Variants in BCR observed in about 807,000 individuals in gnomAD.
The protein encoded by BCR is BCR activator of RhoGEF and GTPase.
BCR carries 58 observed loss-of-function variants against 138.6 expected under a neutral mutation model. The ratio of observed to expected loss-of-function variants is 0.42; its 90% CI spans 0.34 to 0.52. The LOEUF is 0.52. BCR is among the 20% of genes least tolerant of loss of function. BCR has a pLI of 0.06. For synonymous variants in BCR, 786 were observed against 730.1 expected, an observed-to-expected ratio of 1.08 and a Z score of -1.23; for missense variants, 1,599 against 1,727.2, an observed-to-expected ratio of 0.93 and a Z score of 1.32.
Position 23,317,966 on chromosome 22 carries a change from A to G in BCR, c.*2444A>G, listed in dbSNP as rs2074090714. On this transcript the variant is annotated 3_prime_UTR_variant, in exon 23 of 23. Transcript: ENST00000305877. ...CTTGGTAAGTGGCTGGTGTCTTAGC[A>G]GCTGCAATCTGAGCTCAGCCACCTA... The G allele has an allele frequency of 6.6e-6, 1 of 152,354 alleles. No individual in the cohort carries two copies. The highest frequency in any genetic ancestry group is 1.4e-5 in the Non-Finnish European group (1 of 70,122). 9.4% of individuals were successfully genotyped at this position (152,354 alleles called of 1,614,324 possible).
Position 23,261,011 on chromosome 22 carries a change from C to A in BCR, c.1523C>A (p.Ala508Asp), listed in dbSNP as rs1371364053. 1 of 1,613,918 alleles carries A rather than the reference C, an allele frequency of 6.2e-7. No homozygotes were observed. The highest frequency in any genetic ancestry group is 8.5e-7 in the Non-Finnish European group (1 of 1,180,012). The change falls in exon 3 of 23, where the codon GCT (alanine) becomes GAT (aspartate). Residue 508 changes from alanine to aspartate, a missense_variant. Ala to Asp is a moderately radical substitution (Grantham distance 126). Transcript: ENST00000305877. ...MRKWVLSGIL[A>D]SEETYLSHLE... is the part of the protein sequence containing the mutation. ...AAATGGGTCCTGTCGGGAATCCTGG[C>A]TAGCGAGGAGACTTACCTGAGCCAC...
intron 1 of BCR, among the ~76,000 whole-genome samples, chr22:23,217,865 C>G (rs1204206286): frequency 6.6e-6 from 1 of 152,216 alleles, no homozygotes; most frequent in African/African-American, 2.4e-5. Context: ...AGGCGGTGAT[C>G]TGCAGCTGTG....
chr22:23,188,721 T>G (rs2072377778), intron 1 of BCR, among the ~76,000 whole-genome samples: 1 of 152,090 alleles, frequency 6.6e-6, no homozygotes, highest in Admixed American at 6.5e-5. Context: ...CCCCAGGGAA[T>G]ATCTTGACCC....
At chr22:23,253,286 C>T (rs575039140) in intron 1 of BCR, among the ~76,000 whole-genome samples, 111 of 152,232 alleles carry the variant, frequency 7.3e-4, no homozygotes, top group Non-Finnish European at 3.5e-4. Context: ...TGATTGATTA[C>T]GTCACTGGCC....
chr22:23,271,146 A>G (rs1325448644), intron 5 of BCR, among the ~76,000 whole-genome samples: 2 of 152,218 alleles, frequency 1.3e-5, no homozygotes, highest in African/African-American at 4.8e-5. Context: ...TTTTGTTCAC[A>G]AGGGACACTT....
rs1014036127 is a variant in BCR, at chr22:23,260,967, A to G, written c.1479A>G (p.Glu493=). The G allele has an allele frequency of 3.1e-6, 5 of 1,613,868 alleles. No individual in the cohort carries two copies. In the African/African-American group the frequency reaches 5.3e-5, roughly 17 times the overall value. ...ESTKASELDL[E]KGLEMRKWVL... is the part of the protein sequence containing the mutation. ...TCCTGCAGAGTGAGCTGGACTTGGA[A>G]AAGGGCTTGGAGATGAGAAAATGGG... Residue 493 remains glutamate, a synonymous_variant, in exon 3 of 23, where the codon GAA becomes GAG. Coordinates refer to ENST00000305877, the MANE Select transcript of BCR (RefSeq NM_004327.4).
intron 4 of BCR, chr22:23,263,748 A>AG (rs1425911519): frequency 7.0e-7 from 1 of 1,431,572 alleles, no homozygotes; most frequent in Admixed American, 1.7e-5. Flanking sequence ...TGGATTGCAA[A>AG]GGGGGCATCA....
In BCR at chr22:23,201,834, C is replaced by A. The variant is rs111857864; in HGVS notation, c.1279+19595C>A. Reference sequence around the variant, plus strand: ...TCAGACCCTTCGGTTTCTGGGAGTCCGTGGACATTGGCTGCAGGTTTTGAA... The same window carrying A: ...TCAGACCCTTCGGTTTCTGGGAGTCAGTGGACATTGGCTGCAGGTTTTGAA... On this transcript the variant is annotated intron_variant, in intron 1 of 22. Coordinates refer to ENST00000305877, the MANE Select transcript of BCR (RefSeq NM_004327.4). 7.9e-3 allele frequency among the ~76,000 whole-genome samples: 1,208 copies of A among 152,128 alleles called. 19 individuals are homozygous for A. Among genetic ancestry groups the A allele is most frequent in the African/African-American group, 0.027 (1,130 of 41,504 alleles).
chr22:23,263,123 G>A (rs942874841), intron 4 of BCR: 43 of 710,930 alleles, frequency 6.0e-5, no homozygotes, highest in South Asian at 5.6e-4. Context: ...ACATCCCGGG[G>A]ACAGGGGCGG....
chr22:23,290,579 G>A, intron 14 of BCR, 166 bp downstream of exon 14: 1 of 710,748 alleles, frequency 1.4e-6, no homozygotes, highest in Non-Finnish European at 2.5e-6. Context: ...ATGCCTTCTG[G>A]GTGTGGAATT....
At chr22:23,313,894 T>C (rs2074035479) in intron 20 of BCR, 74 bp from the exon 21 acceptor site, 1 of 1,173,564 alleles carries the variant, frequency 8.5e-7, no homozygotes, top group African/African-American at 1.5e-5. Flanking sequence ...AAGCCCCAGG[T>C]GCTCCATGTG....
chr22:23,181,747 G>C lies in BCR; in HGVS notation c.787G>C (p.Ala263Pro). Residue 263 changes from alanine (A) to proline (P), a missense_variant, in exon 1 of 23, where the codon GCC (alanine) becomes CCC (proline). By Grantham distance (27) the Ala-to-Pro change is conservative. Around this residue, in one of 4 missense-constraint regions of BCR, gnomAD observed 806 missense variants for 635.0 expected, o/e 1.27. Transcript: ENST00000305877. The stretch of plus-strand genomic sequence containing the variant: ...CTTCCTGAAGGACAACCTGATCGAC[G>C]CCAATGGCGGTAGCAGGCCCCCTTG... ...PRFLKDNLIDANGGSRPPWPP... is the reference protein window; with the variant it reads ...PRFLKDNLIDPNGGSRPPWPP... The C allele has an allele frequency of 6.2e-7, 1 of 1,604,582 alleles. No individual in the cohort carries two copies. The highest frequency in any genetic ancestry group is 8.5e-7 in the Non-Finnish European group (1 of 1,179,978).
rs146212375 is a variant in BCR, at chr22:23,223,847, T to A, written c.1280-29952T>A. Among the ~76,000 whole-genome samples, 17 of 151,964 alleles carry A rather than the reference T, an allele frequency of 1.1e-4. No individual in the cohort carries two copies. In the East Asian group the frequency reaches 3.3e-3, roughly 29 times the overall value. On this transcript the variant is annotated intron_variant, in intron 1 of 22. Coordinates refer to ENST00000305877, the MANE Select transcript of BCR (RefSeq NM_004327.4). ...GCTGTCCCCCCTGTAATGGGAACAC[T>A]TTGCTGACCTTTTCCTTCCTTTCCC...
At chr22:23,305,759 G>C (rs2073949023) in intron 16 of BCR, among the ~76,000 whole-genome samples, 1 of 152,148 alleles carries the variant, frequency 6.6e-6, no homozygotes, top group African/African-American at 2.4e-5. Context: ...CCATCCTCCT[G>C]AGACCACTGC....
intron 1 of BCR, among the ~76,000 whole-genome samples, chr22:23,197,060 TA>T (rs1306188499): frequency 1.3e-5 from 2 of 152,252 alleles, no homozygotes; most frequent in Non-Finnish European, 2.9e-5. Context: ...AGATTACTTA[TA>T]ATACAGTCAT....
At chr22:23,233,643 C>T (rs1350753966) in intron 1 of BCR, among the ~76,000 whole-genome samples, 2 of 151,812 alleles carry the variant, frequency 1.3e-5, no homozygotes, top group Admixed American at 6.6e-5. Context: ...TAAAAATTAG[C>T]CAGGTGTGGG....
chr22:23,299,696 A>T (rs940596555), intron 16 of BCR, among the ~76,000 whole-genome samples: 1 of 58,948 alleles, frequency 1.7e-5, no homozygotes, highest in Non-Finnish European at 3.2e-5. Context: ...TCTAGAGTTT[A>T]TATATATATA....
chr22:23,312,929 A>G lies in BCR; in HGVS notation c.3365A>G (p.Asn1122Ser). 6.3e-7 allele frequency: 1 copy of G among 1,591,580 alleles called. No homozygotes were observed. The highest frequency in any genetic ancestry group is 8.5e-7 in the Non-Finnish European group (1 of 1,174,406). ...VSVMMSEMDV[N>S]AIAGTLKLYF... is the part of the protein sequence containing the mutation. Reference sequence around the variant, plus strand: ...GTGATGATGAGCGAGATGGACGTGAACGCCATCGCAGGCACGCTGAAGCTG... The same window carrying G: ...GTGATGATGAGCGAGATGGACGTGAGCGCCATCGCAGGCACGCTGAAGCTG... The change falls in exon 20 of 23, where the codon AAC becomes AGC. Residue 1122 changes from asparagine to serine, a missense_variant. Transcript: ENST00000305877.
intron 1 of BCR, among the ~76,000 whole-genome samples, chr22:23,191,932 C>T (rs1018317215): frequency 2.0e-5 from 3 of 152,138 alleles, no homozygotes; most frequent in Non-Finnish European, 2.9e-5. Context: ...CCTGGCTCAC[C>T]CTTAGAGAAC....
Sources: allele counts gnomAD v4.1 joint callset (sites outside exome capture counted in the v4.1 genomes callset), GRCh38; gene constraint gnomAD v4.1.1; regional missense constraint gnomAD v4.1.1; transcripts MANE v1.5; gene names NCBI Gene and HGNC (gene_info 2026-07-23, HGNC 2026-07-21).